Variants in MDFIC2 observed in about 807,000 individuals in gnomAD.
The protein encoded by MDFIC2 is myoD family inhibitor domain-containing protein 2.
chr3:70,250,715 C>T (rs1701757129), intron 2 of MDFIC2, among the ~76,000 whole-genome samples: 1 of 152,122 alleles, frequency 6.6e-6, no homozygotes, highest in Non-Finnish European at 1.5e-5. Context: ...TTTCCACTGG[C>T]AATTCTTTTG....
At position 70,241,193 on chromosome 3, in the gene MDFIC2, G is replaced by A. The variant is rs140286148; in HGVS notation, c.89-34403C>T. On this transcript the variant is annotated intron_variant, in intron 2 of 3. Transcript: ENST00000567252. ...GATATTTTGGAAGAATTGCTAGAACGGTTCCTCATAAATATTGTCATATTT... is the reference window on the plus strand; with the variant it reads ...GATATTTTGGAAGAATTGCTAGAACAGTTCCTCATAAATATTGTCATATTT... 3.3e-3 allele frequency among the ~76,000 whole-genome samples: 499 copies of A among 152,126 alleles called. 4 individuals are homozygous for A. Among genetic ancestry groups the A allele is most frequent in the African/African-American group, 0.012 (480 of 41,504 alleles).
At chr3:70,251,431 A>G (rs1174075220) in intron 2 of MDFIC2, among the ~76,000 whole-genome samples, 2 of 152,180 alleles carry the variant, frequency 1.3e-5, no homozygotes, top group African/African-American at 2.4e-5. Flanking sequence ...TATATCAGGT[A>G]TCTGTCTACT....
intron 2 of MDFIC2, among the ~76,000 whole-genome samples, chr3:70,293,775 A>G (rs1702264250): frequency 6.6e-6 from 1 of 152,060 alleles, no homozygotes; most frequent in South Asian, 2.1e-4. Context: ...AACAATGAGT[A>G]TCTGAACCTT....
At chr3:70,299,399 T>G (rs938295401) in intron 2 of MDFIC2, among the ~76,000 whole-genome samples, 2 of 152,076 alleles carry the variant, frequency 1.3e-5, no homozygotes, top group Non-Finnish European at 2.9e-5. Context: ...TGAGAATAAT[T>G]TTTTTCCATT....
At chr3:70,235,860 G>A (rs939666976) in intron 2 of MDFIC2, among the ~76,000 whole-genome samples, 11 of 152,126 alleles carry the variant, frequency 7.2e-5, no homozygotes, top group Non-Finnish European at 1.6e-4. Flanking sequence ...AAATGCCACA[G>A]CAAAGACAAT....
intron 2 of MDFIC2, among the ~76,000 whole-genome samples, chr3:70,267,645 T>A (rs1207334436): frequency 2.7e-5 from 4 of 149,314 alleles, no homozygotes; most frequent in Non-Finnish European, 5.9e-5. Flanking sequence ...CTTGACCTCC[T>A]GACCTCGAGG....
At chr3:70,269,775 A>C (rs1701956665) in intron 2 of MDFIC2, among the ~76,000 whole-genome samples, 1 of 152,214 alleles carries the variant, frequency 6.6e-6, no homozygotes, top group South Asian at 2.1e-4. Context: ...ATTATTCTCC[A>C]AATTGCTAAA....
At chr3:70,257,354 A>C (rs1701827204) in intron 2 of MDFIC2, among the ~76,000 whole-genome samples, 2 of 152,164 alleles carry the variant, frequency 1.3e-5, no homozygotes, top group South Asian at 4.1e-4. Context: ...GTTTTAAGGA[A>C]TTAGGTTTAG....
chr3:70,285,412 A>T (rs1430759387), intron 2 of MDFIC2, among the ~76,000 whole-genome samples: 2 of 152,074 alleles, frequency 1.3e-5, no homozygotes, highest in African/African-American at 2.4e-5. Flanking sequence ...GCTGCATAGT[A>T]TTCTATGGTG....
At chr3:70,244,072 C>A (rs909313835) in intron 2 of MDFIC2, among the ~76,000 whole-genome samples, 9 of 152,204 alleles carry the variant, frequency 5.9e-5, no homozygotes, top group African/African-American at 1.9e-4. Context: ...ACCGTAACTA[C>A]TTTCCTAGCC....
At chr3:70,259,754 G>A (rs1701848216) in intron 2 of MDFIC2, among the ~76,000 whole-genome samples, 1 of 152,268 alleles carries the variant, frequency 6.6e-6, no homozygotes, top group South Asian at 2.1e-4. Context: ...GTATTAGTCT[G>A]TTTTCATACC....
At chr3:70,241,449 T>C (rs932353531) in intron 2 of MDFIC2, among the ~76,000 whole-genome samples, 8 of 152,178 alleles carry the variant, frequency 5.3e-5, no homozygotes, top group African/African-American at 1.9e-4. Context: ...CATTTGTAAA[T>C]ATGATGAAAA....
chr3:70,226,341 G>GCA (rs1225570446), intron 2 of MDFIC2, among the ~76,000 whole-genome samples: 2 of 152,104 alleles, frequency 1.3e-5, no homozygotes, highest in Non-Finnish European at 2.9e-5. Context: ...TATAACAGAG[G>GCA]CACACACACA....
At chr3:70,223,714 C>T (rs953377384) in intron 2 of MDFIC2, among the ~76,000 whole-genome samples, 1 of 152,128 alleles carries the variant, frequency 6.6e-6, no homozygotes, top group African/African-American at 2.4e-5. Context: ...TTAAGAGCAT[C>T]CTAGAACAGG....
intron 2 of MDFIC2, among the ~76,000 whole-genome samples, chr3:70,302,988 T>C (rs989802675): frequency 6.6e-6 from 1 of 152,198 alleles, no homozygotes; most frequent in African/African-American, 2.4e-5. Flanking sequence ...TCTCATCTTT[T>C]GCTGAACTTT....
intron 2 of MDFIC2, among the ~76,000 whole-genome samples, chr3:70,301,145 A>T (rs1158575947): frequency 1.3e-5 from 2 of 152,128 alleles, no homozygotes; most frequent in Non-Finnish European, 2.9e-5. Flanking sequence ...TTCTTCTGAG[A>T]CACAGCTGTA....
At chr3:70,203,891 A>C (rs188248746) in intron 3 of MDFIC2, among the ~76,000 whole-genome samples, 1 of 152,236 alleles carries the variant, frequency 6.6e-6, no homozygotes, top group East Asian at 1.9e-4. Context: ...TTGCAGAAAC[A>C]GAAGTGGGGA....
intron 2 of MDFIC2, among the ~76,000 whole-genome samples, chr3:70,279,236 A>G (rs1444545494): frequency 1.3e-5 from 2 of 151,848 alleles, no homozygotes; most frequent in Non-Finnish European, 2.9e-5. Context: ...AACCCTGCAA[A>G]GTACATATTA....
At chr3:70,208,230 G>A (rs1400193256) in intron 2 of MDFIC2, among the ~76,000 whole-genome samples, 1 of 152,066 alleles carries the variant, frequency 6.6e-6, no homozygotes, top group Non-Finnish European at 1.5e-5. Flanking sequence ...CTTGGGAATT[G>A]CATTCCCATT....
Sources: allele counts gnomAD v4.1 joint callset (sites outside exome capture counted in the v4.1 genomes callset), GRCh38; gene constraint gnomAD v4.1.1; transcripts MANE v1.5; gene names NCBI Gene and HGNC (gene_info 2026-07-23, HGNC 2026-07-21).